FGF14: variants seen among roughly 807,000 people sequenced by gnomAD.
FGF14 encodes the protein fibroblast growth factor 14.
FGF14 carries 5 observed loss-of-function variants against 25.5 expected under a neutral mutation model. The observed-to-expected ratio is 0.20, with a 90% CI of 0.10 to 0.41. The LOEUF (loss-of-function observed/expected upper bound fraction) is 0.41, where lower values mean the gene tolerates loss of function less well. Among genes scored for constraint, FGF14 ranks in the 10% least tolerant of loss-of-function variants. The probability of loss-of-function intolerance (pLI) is 1.00; values close to 1 mark genes in which losing one functional copy is unlikely to be tolerated. For synonymous variants in FGF14, 138 were observed against 118.3 expected (o/e 1.17, Z -1.08); for missense variants, 222 against 320.1 (o/e 0.69, Z 2.34).
In FGF14 at chr13:102,193,893, G is replaced by A. The variant is rs959603429; in HGVS notation, c.208+207578C>T. Among the ~76,000 whole-genome samples the A allele has an allele frequency of 8.6e-4, 50 of 58,158 alleles. 2 individuals are homozygous for A. In the Admixed American group the frequency reaches 9.4e-3, roughly 11 times the overall value. The allele number at this position is 58,158 out of a possible 152,430, so 38.2% of individuals were successfully genotyped here. On this transcript the variant is annotated intron_variant, in intron 1 of 4. Transcript: ENST00000376131. ...GCCCCAAAACAAGGGGATAAAATCA[G>A]TCATGAATTTTTTTATTATAATTTT...
chr13:102,024,327 G>C (rs1426758077), intron 1 of FGF14, among the ~76,000 whole-genome samples: 1 of 152,016 alleles, frequency 6.6e-6, no homozygotes, highest in East Asian at 1.9e-4. Context: ...CTAGGAGTGG[G>C]AAGAGGTATC....
At chr13:102,174,880 A>G (rs2048381298) in intron 1 of FGF14, among the ~76,000 whole-genome samples, 2 of 152,026 alleles carry the variant, frequency 1.3e-5, no homozygotes, top group Non-Finnish European at 2.9e-5. Context: ...CAATATTCTC[A>G]TGTAATAAAT....
chr13:102,016,609 C>T (rs2040361240), intron 1 of FGF14, among the ~76,000 whole-genome samples: 1 of 152,088 alleles, frequency 6.6e-6, no homozygotes, highest in African/African-American at 2.4e-5. Context: ...TCAAGATTCA[C>T]ATCATGACAA....
intron 1 of FGF14, among the ~76,000 whole-genome samples, chr13:102,075,418 A>T (rs1480168346): frequency 6.6e-6 from 1 of 152,226 alleles, no homozygotes; most frequent in African/African-American, 2.4e-5. Flanking sequence ...ATTATAATCA[A>T]GCTGAAAAAT....
chr13:102,081,282 C>A (rs368604630), intron 1 of FGF14, among the ~76,000 whole-genome samples: 4 of 152,160 alleles, frequency 2.6e-5, no homozygotes, highest in Admixed American at 6.5e-5. Flanking sequence ...GGGCACAAAT[C>A]CCTTGAAACT....
intron 1 of FGF14, among the ~76,000 whole-genome samples, chr13:102,374,670 A>ATATATATATATATATATG: frequency 1.0e-5 from 1 of 95,874 alleles, no homozygotes; most frequent in Non-Finnish European, 2.4e-5. Flanking sequence ...ATATATATAT[A>ATATATATATATATATATG]TATATATATA....
intron 1 of FGF14, among the ~76,000 whole-genome samples, chr13:101,958,720 T>G (rs1224913014): frequency 6.6e-6 from 1 of 152,188 alleles, no homozygotes; most frequent in Non-Finnish European, 1.5e-5. Flanking sequence ...GTATAAACAA[T>G]CTCAGAACAT....
intron 1 of FGF14, among the ~76,000 whole-genome samples, chr13:102,097,029 C>CTT (rs11413699): frequency 0.22 from 32,641 of 145,776 alleles, 4,336 homozygotes; most frequent in Middle Eastern, 0.31. Context: ...GACTGGAGGA[C>CTT]TTTTTTTTTT....
rs144280056 is a variant in FGF14, at chr13:101,840,125, A to G, written c.408+28600T>C. Among the ~76,000 whole-genome samples, 272 of 152,128 alleles carry G rather than the reference A, an allele frequency of 1.8e-3. 1 individual carries two copies. Among genetic ancestry groups the G allele is most frequent in the African/African-American group, 6.1e-3 (253 of 41,566 alleles). ...GTAAATACCAGTTCAATTAATTCCAATGTAAAGTGGACACCTGATGATATT... is the reference window on the plus strand; with the variant it reads ...GTAAATACCAGTTCAATTAATTCCAGTGTAAAGTGGACACCTGATGATATT... On this transcript the variant is annotated intron_variant, in intron 3 of 4. Transcript: ENST00000376143.
chr13:101,873,966 G>A (rs540818692), intron 2 of FGF14, among the ~76,000 whole-genome samples: 2 of 151,898 alleles, frequency 1.3e-5, no homozygotes, highest in South Asian at 4.2e-4. Flanking sequence ...AAATTGACAC[G>A]GAGGACAATG....
At chr13:101,961,854 C>T (rs1433564520) in intron 1 of FGF14, among the ~76,000 whole-genome samples, 1 of 152,160 alleles carries the variant, frequency 6.6e-6, no homozygotes, top group Non-Finnish European at 1.5e-5. Context: ...AAACCTCTTT[C>T]CTTTATAAAT....
At chr13:102,120,473 C>T (rs977882527) in intron 1 of FGF14, among the ~76,000 whole-genome samples, 2 of 152,136 alleles carry the variant, frequency 1.3e-5, no homozygotes, top group African/African-American at 2.4e-5. Flanking sequence ...GGACACAGGA[C>T]ATAAGTAGAT....
At chr13:101,787,272 T>A (rs2039893438) in intron 3 of FGF14, among the ~76,000 whole-genome samples, 1 of 152,212 alleles carries the variant, frequency 6.6e-6, no homozygotes, top group Non-Finnish European at 1.5e-5. Flanking sequence ...TAAGCTCTAA[T>A]GAATGTGTTT....
chr13:102,056,926 T>C (rs371075621), intron 1 of FGF14, among the ~76,000 whole-genome samples: 1 of 151,380 alleles, frequency 6.6e-6, no homozygotes, highest in Non-Finnish European at 1.5e-5. Context: ...TGATTTAGTA[T>C]ATTATATAAA....
At position 102,400,297 on chromosome 13, in the gene FGF14, G is replaced by A. The variant is rs573720698; in HGVS notation, c.208+1174C>T. Among the ~76,000 whole-genome samples the A allele has an allele frequency of 6.6e-6, 1 of 152,328 alleles. No individual in the cohort carries two copies. Among genetic ancestry groups the A allele is most frequent in the East Asian group, 1.9e-4 (1 of 5,170 alleles). On this transcript the variant is annotated intron_variant, in intron 1 of 4. Transcript: ENST00000376131. This position sits in a 1 kb window ranked among gnomAD's most constrained non-coding sequence, Gnocchi z 4.3. ...AGTGCCAGCGTCAGGAGCTTCCAGA[G>A]CCCGGGCTGCCACTGCGGGACGGCC...
At position 101,951,612 on chromosome 13, in the gene FGF14, CT is replaced by C. The variant is rs375922790; in HGVS notation, c.209-76317del. Among the ~76,000 whole-genome samples, 741 of 152,194 alleles carry C rather than the reference CT, an allele frequency of 4.9e-3. 7 individuals carry two copies. Among genetic ancestry groups the C allele is most frequent in the Middle Eastern group, 0.014 (4 of 294 alleles). On this transcript the variant is annotated intron_variant, in intron 1 of 4. Transcript: ENST00000376131. Reference sequence around the variant, plus strand: ...AGGGATGAATTTCAACATTATTTGTCTTGTTTATGACTACTTGAGCTTGTTG... The same window carrying C: ...AGGGATGAATTTCAACATTATTTGTCTGTTTATGACTACTTGAGCTTGTTG...
intron 3 of FGF14, among the ~76,000 whole-genome samples, chr13:101,808,978 C>T (rs578206928): frequency 1.3e-5 from 2 of 152,204 alleles, no homozygotes; most frequent in Admixed American, 6.6e-5. Flanking sequence ...ATTTTACTCT[C>T]TTCCACTCTA....
At chr13:102,107,679 A>G (rs1351173119) in intron 1 of FGF14, among the ~76,000 whole-genome samples, 4 of 152,228 alleles carry the variant, frequency 2.6e-5, no homozygotes, top group African/African-American at 7.2e-5. Context: ...GGGAGCAGCA[A>G]TGATGTCAAA....
intron 3 of FGF14, among the ~76,000 whole-genome samples, chr13:101,820,895 C>CCA (rs59614681): frequency 0.5 from 50,522 of 100,816 alleles, 12,932 homozygotes; most frequent in Admixed American, 0.54. Context: ...TCTTTTTAGT[C>CCA]CAGTCTCCCC....
Sources: gnomAD v4.1 joint callset for allele counts (sites outside exome capture counted in the v4.1 genomes callset) on GRCh38, gnomAD v4.1.1 for gene constraint, Gnocchi (gnomAD v3.1) non-coding constraint, MANE v1.5 for transcripts, NCBI Gene and HGNC (gene_info 2026-07-23, HGNC 2026-07-21) for gene names.